The following SHISAL2B variants were observed in gnomAD, a reference collection of about 807,000 sequenced individuals.
SHISAL2B encodes the protein shisa like 2B.
Under a neutral mutation model 16.5 loss-of-function variants are expected in SHISAL2B, and 12 were observed. The observed-to-expected ratio is 0.73, with a 90% CI of 0.47 to 1.18. The LOEUF is 1.18. Among genes scored for constraint, SHISAL2B ranks in the 50% most tolerant of loss-of-function variants. The pLI is 0.00. For synonymous variants in SHISAL2B, 72 were observed against 75.0 expected (o/e 0.96, Z 0.21); for missense variants, 183 against 193.6 (o/e 0.95, Z 0.33).
At chr5:64,692,680 G>A (rs1422738523) in intron 1 of SHISAL2B, among the ~76,000 whole-genome samples, 4 of 152,158 alleles carry the variant, frequency 2.6e-5, no homozygotes, top group Non-Finnish European at 2.9e-5. Context: ...TCCTAAGTAG[G>A]AGAATTGCCA....
chr5:64,707,024 T>C (rs1272507304), intron 2 of SHISAL2B, among the ~76,000 whole-genome samples: 1 of 152,160 alleles, frequency 6.6e-6, no homozygotes, highest in Non-Finnish European at 1.5e-5. Flanking sequence ...TAGAATCTAA[T>C]AACAGGTGTA....
intron 2 of SHISAL2B, among the ~76,000 whole-genome samples, chr5:64,698,955 A>G (rs761753645): frequency 6.6e-6 from 1 of 152,232 alleles, no homozygotes; most frequent in Non-Finnish European, 1.5e-5. Context: ...GTGCTAAATA[A>G]AAATTGGTTA....
chr5:64,706,110 A>C (rs1183536248), intron 2 of SHISAL2B, among the ~76,000 whole-genome samples: 1 of 152,212 alleles, frequency 6.6e-6, no homozygotes, highest in African/African-American at 2.4e-5. Flanking sequence ...CAGTGAGCCG[A>C]GATTGCACCA....
At chr5:64,696,529 C>A (rs1008662841) in intron 2 of SHISAL2B, among the ~76,000 whole-genome samples, 11 of 152,124 alleles carry the variant, frequency 7.2e-5, no homozygotes, top group Non-Finnish European at 1.3e-4. Context: ...TCACTGAATT[C>A]TTTTCCTGGC....
intron 2 of SHISAL2B, among the ~76,000 whole-genome samples, chr5:64,714,782 C>T (rs904039746): frequency 5.3e-5 from 8 of 152,114 alleles, no homozygotes; most frequent in Non-Finnish European, 8.8e-5. Context: ...GCGCAATATT[C>T]GGGTGGGAGT....
Position 64,690,649 on chromosome 5 carries a change from C to G in SHISAL2B, c.26C>G (p.Ser9Cys), listed in dbSNP as rs1252506721. Residue 9 changes from serine to cysteine, a missense_variant, in exon 1 of 3, where the codon TCC becomes TGC. Ser to Cys is a moderately radical substitution (Grantham distance 112). Coordinates refer to ENST00000389074, the MANE Select transcript of SHISAL2B (RefSeq NM_001164442.2). ...ATGAGCGAGGCCAGCCGACTGTGCT[C>G]CGGCTACTACAGCCTCAACCAGAGC... MSEASRLC[S>C]GYYSLNQSFV... The G allele has an allele frequency of 6.6e-7, 1 of 1,517,678 alleles. No homozygotes were observed. Among genetic ancestry groups the G allele is most frequent in the Non-Finnish European group, 8.8e-7 (1 of 1,135,494 alleles). 94.0% of individuals were successfully genotyped at this position (1,517,678 alleles called of 1,614,324 possible).
intron 2 of SHISAL2B, among the ~76,000 whole-genome samples, chr5:64,697,460 T>C (rs1286408212): frequency 2.0e-5 from 3 of 152,226 alleles, no homozygotes; most frequent in African/African-American, 7.2e-5. Context: ...GGTCCTATTA[T>C]TTCTCAAACA....
At chr5:64,703,192 C>T (rs574589603) in intron 2 of SHISAL2B, among the ~76,000 whole-genome samples, 18 of 152,268 alleles carry the variant, frequency 1.2e-4, no homozygotes, top group Middle Eastern at 3.4e-3. Flanking sequence ...GCCTTAACGT[C>T]CTTTCAGAAA....
chr5:64,704,828 C>G (rs1242555599), intron 2 of SHISAL2B, among the ~76,000 whole-genome samples: 1 of 151,786 alleles, frequency 6.6e-6, no homozygotes, highest in Non-Finnish European at 1.5e-5. Context: ...TAAAATTATC[C>G]CAGAGTTGCA....
chr5:64,693,954 C>G (rs1741691506), intron 1 of SHISAL2B: 1 of 362,798 alleles, frequency 2.8e-6, no homozygotes, highest in South Asian at 2.1e-5. Flanking sequence ...TGCAGGGGTG[C>G]TCTACCTCCT....
At position 64,690,715 on chromosome 5, in the gene SHISAL2B, C is replaced by T; in HGVS notation, c.92C>T (p.Ala31Val). ...CAGTGCCCCCGGCGCGGCGAGGGGG[C>T]AGCGCTCCAGTATTGCTGCGGCTTC... ...PFQCPRRGEG[A>V]ALQYCCGFAD... Residue 31 changes from alanine (A) to valine (V), a missense_variant, in exon 1 of 3, where the codon GCA (alanine) becomes GTA (valine). Coordinates refer to ENST00000389074, the MANE Select transcript of SHISAL2B (RefSeq NM_001164442.2). 1 of 1,536,040 alleles carries T rather than the reference C, an allele frequency of 6.5e-7. No individual in the cohort carries two copies. Among genetic ancestry groups the T allele is most frequent in the East Asian group, 2.4e-5 (1 of 40,822 alleles).
At chr5:64,697,181 G>C (rs554269594) in intron 2 of SHISAL2B, among the ~76,000 whole-genome samples, 1 of 152,200 alleles carries the variant, frequency 6.6e-6, no homozygotes, top group Non-Finnish European at 1.5e-5. Context: ...CAAATAAATA[G>C]AGGAACCAAG....
At chr5:64,706,811 T>C (rs1741881701) in intron 2 of SHISAL2B, among the ~76,000 whole-genome samples, 1 of 152,236 alleles carries the variant, frequency 6.6e-6, no homozygotes, top group Non-Finnish European at 1.5e-5. Context: ...GCTTAAGTTG[T>C]CTAGCTTCAG....
At chr5:64,703,593 ATCTCATTGAAAATTAT>A (rs1741839002) in intron 2 of SHISAL2B, among the ~76,000 whole-genome samples, 1 of 152,248 alleles carries the variant, frequency 6.6e-6, no homozygotes, top group Non-Finnish European at 1.5e-5. Flanking sequence ...AGAAGCCAGT[ATCTCATTGAAAATTAT>A]TTATTTCAAG....
At chr5:64,717,437 GGAGT>G (rs1170455056) in intron 2 of SHISAL2B, among the ~76,000 whole-genome samples, 1 of 152,144 alleles carries the variant, frequency 6.6e-6, no homozygotes, top group Non-Finnish European at 1.5e-5. Flanking sequence ...ATATTTATAT[GGAGT>G]GAGTGAATGG....
intron 2 of SHISAL2B, 148 bp downstream of exon 2, chr5:64,695,812 C>T (rs950317962): frequency 2.0e-5 from 11 of 541,002 alleles, no homozygotes; most frequent in Admixed American, 1.1e-4. Context: ...TGAATCAGGC[C>T]GTTAATGATG....
At chr5:64,715,351 T>C (rs929709660) in intron 2 of SHISAL2B, among the ~76,000 whole-genome samples, 2 of 151,714 alleles carry the variant, frequency 1.3e-5, no homozygotes, top group East Asian at 1.9e-4. Flanking sequence ...AAGAAGAGGA[T>C]GTACAGTAGC....
chr5:64,703,092 A>G (rs931858088), intron 2 of SHISAL2B, among the ~76,000 whole-genome samples: 1 of 152,206 alleles, frequency 6.6e-6, no homozygotes, highest in Non-Finnish European at 1.5e-5. Context: ...AAACTTTCAA[A>G]TCACTCTGTC....
intron 2 of SHISAL2B, among the ~76,000 whole-genome samples, chr5:64,713,091 G>A (rs1399176430): frequency 1.4e-5 from 2 of 145,640 alleles, no homozygotes; most frequent in East Asian, 4.1e-4. Flanking sequence ...TATGATGTTA[G>A]CTGGTGATTT....
Sources: allele counts gnomAD v4.1 joint callset (sites outside exome capture counted in the v4.1 genomes callset), GRCh38; gene constraint gnomAD v4.1.1; transcripts MANE v1.5; gene names NCBI Gene and HGNC (gene_info 2026-07-23, HGNC 2026-07-21).